GUCY1A1: variants seen among roughly 807,000 people sequenced by gnomAD.
The protein encoded by GUCY1A1 is guanylate cyclase 1 soluble subunit alpha 1.
GUCY1A1 carries 48 observed loss-of-function variants against 64.5 expected under a neutral mutation model. The ratio of observed to expected loss-of-function variants is 0.74; its 90% CI spans 0.59 to 0.95. The LOEUF (loss-of-function observed/expected upper bound fraction) is 0.95. GUCY1A1 is among the 40% of genes least tolerant of loss of function. GUCY1A1 has a pLI of 0.00. For synonymous variants in GUCY1A1, 308 were observed against 303.4 expected (o/e 1.02, Z -0.16); for missense variants, 804 against 825.3 (o/e 0.97, Z 0.32).
At chr4:155,675,618 C>G (rs10003097) in intron 2 of GUCY1A1, among the ~76,000 whole-genome samples, 6,368 of 151,458 alleles carry the variant, frequency 0.042, 739 homozygotes, top group African/African-American at 0.15. Flanking sequence ...TTTAATACAC[C>G]GCAGCATCTA....
chr4:155,713,046 A>G, intron 6 of GUCY1A1, 52 bp from the exon 7 acceptor site: 13 of 1,505,866 alleles, frequency 8.6e-6, no homozygotes, highest in Non-Finnish European at 1.2e-5. Flanking sequence ...TTTGTCTCAG[A>G]AAGATGTGGG....
chr4:155,680,848 G>A (rs1047440652), intron 2 of GUCY1A1, among the ~76,000 whole-genome samples: 3 of 151,726 alleles, frequency 2.0e-5, no homozygotes, highest in Non-Finnish European at 4.4e-5. Flanking sequence ...ATCTGGGATG[G>A]CAGAGGCAGA....
Position 155,710,830 on chromosome 4 carries a change from C to T in GUCY1A1, c.665C>T (p.Ala222Val). Residue 222 changes from alanine (A) to valine (V), a missense_variant, in exon 6 of 10, where the codon GCT (alanine) becomes GTT (valine). Transcript: ENST00000506455. ...ATTCTTCCCGGCATCATAAAGGCAG[C>T]TGCTCACGTATTATATGAAACGGAA... The part of the protein sequence containing the change: ...SLILPGIIKA[A>V]AHVLYETEVE... The T allele has an allele frequency of 1.2e-6, 2 of 1,614,094 alleles. No homozygotes were observed. The highest frequency in any genetic ancestry group is 1.7e-6 in the Non-Finnish European group (2 of 1,179,982).
intron 2 of GUCY1A1, among the ~76,000 whole-genome samples, chr4:155,690,547 C>T (rs1729600195): frequency 6.6e-6 from 1 of 152,152 alleles, no homozygotes; most frequent in African/African-American, 2.4e-5. Context: ...AAAATCCTGA[C>T]CTCTGTCTAT....
intron 4 of GUCY1A1, among the ~76,000 whole-genome samples, chr4:155,704,724 A>AT (rs955049830): frequency 1.0e-4 from 15 of 148,120 alleles, no homozygotes; most frequent in South Asian, 4.3e-4. Flanking sequence ...TTTATTTTTT[A>AT]TTTTTTTTTT....
intron 2 of GUCY1A1, among the ~76,000 whole-genome samples, chr4:155,690,938 C>G (rs2126692026): frequency 6.6e-6 from 1 of 152,212 alleles, no homozygotes; most frequent in African/African-American, 2.4e-5. Flanking sequence ...GAAAAATGAA[C>G]AAGTGCATGA....
intron 2 of GUCY1A1, among the ~76,000 whole-genome samples, chr4:155,674,171 C>G (rs758961127): frequency 3.3e-5 from 5 of 151,002 alleles, no homozygotes; most frequent in Non-Finnish European, 7.4e-5. Flanking sequence ...CTGGCCAAGA[C>G]AGTGAAACTC....
intron 8 of GUCY1A1, among the ~76,000 whole-genome samples, chr4:155,718,336 T>C (rs1313906016): frequency 6.6e-6 from 1 of 152,224 alleles, no homozygotes; most frequent in Non-Finnish European, 1.5e-5. Flanking sequence ...AGAAGCCATA[T>C]GTTTAAGCCT....
At chr4:155,705,085 T>C (rs1300651056) in intron 4 of GUCY1A1, among the ~76,000 whole-genome samples, 2 of 151,756 alleles carry the variant, frequency 1.3e-5, no homozygotes, top group Non-Finnish European at 2.9e-5. Flanking sequence ...AGAGATGGGG[T>C]TTCACCGTGT....
chr4:155,689,002 T>A (rs1175116834), intron 2 of GUCY1A1, among the ~76,000 whole-genome samples: 2 of 150,506 alleles, frequency 1.3e-5, no homozygotes, highest in Admixed American at 1.3e-4. Flanking sequence ...CAACAGTACT[T>A]CTACGACAGA....
chr4:155,717,178 C>A lies in GUCY1A1; in HGVS notation c.1592C>A (p.Ala531Asp). The A allele has an allele frequency of 2.6e-6, 4 of 1,515,476 alleles. No individual in the cohort carries two copies. Among genetic ancestry groups the A allele is most frequent in the South Asian group, 2.6e-5 (2 of 76,218 alleles). 93.9% of individuals were successfully genotyped at this position (1,515,476 alleles called of 1,614,324 possible). A position where few individuals can be genotyped will look rare whatever the true frequency, so the allele number is the denominator to read the frequency against. ...DVYKVETIGD[A>D]YCVAGGLHKE... is the part of the protein sequence containing the mutation. Reference sequence around the variant, plus strand: ...GTCTAGGTGGAGACCATTGGCGATGCCTATTGTGTAGCTGGGGGATTACAC... The same window carrying A: ...GTCTAGGTGGAGACCATTGGCGATGACTATTGTGTAGCTGGGGGATTACAC... The change falls in exon 8 of 10, where the codon GCC becomes GAC. Residue 531 changes from alanine to aspartate, a missense_variant. Ala to Asp is a moderately radical substitution (Grantham distance 126, BLOSUM62 -2). Transcript: ENST00000506455.
Position 155,681,734 on chromosome 4 carries a change from T to G in GUCY1A1, c.-113+14315T>G, listed in dbSNP as rs886487440. The stretch of plus-strand genomic sequence containing the variant: ...ATGAGGATTCCCTGGAGTTCTAAAT[T>G]TGGTTATCTTCTCTCTATATATGTA... On this transcript the variant is annotated intron_variant, in intron 2 of 9. Coordinates refer to ENST00000506455, the MANE Select transcript of GUCY1A1 (RefSeq NM_001130682.3). 3.3e-5 allele frequency among the ~76,000 whole-genome samples: 5 copies of G among 152,184 alleles called. No homozygotes were observed. The East Asian group carries it at 5.8e-4, about 18-fold the overall frequency.
intron 9 of GUCY1A1, among the ~76,000 whole-genome samples, chr4:155,726,338 C>T (rs1734664186): frequency 1.3e-5 from 2 of 151,958 alleles, no homozygotes; most frequent in East Asian, 3.9e-4. Flanking sequence ...CTTCCATATG[C>T]TGGGAAAACT....
At chr4:155,712,443 T>C (rs1732699692) in intron 6 of GUCY1A1, among the ~76,000 whole-genome samples, 1 of 152,220 alleles carries the variant, frequency 6.6e-6, no homozygotes, top group Non-Finnish European at 1.5e-5. Flanking sequence ...TGGGTTGCTT[T>C]TGGCTTTTTG....
intron 9 of GUCY1A1, among the ~76,000 whole-genome samples, chr4:155,723,793 G>A (rs1734293306): frequency 6.6e-6 from 1 of 152,022 alleles, no homozygotes; most frequent in African/African-American, 2.4e-5. Flanking sequence ...CTCCCAAGTA[G>A]GTGGGATTAC....
chr4:155,696,761 C>A lies in GUCY1A1; in HGVS notation c.-107C>A. ...TGACTTTTTGCTGTCCATAGACATC[C>A]CAGTTACCAGTGTCCTTGAATTGAT... On this transcript the variant is annotated 5_prime_UTR_variant, in exon 3 of 10. Coordinates refer to ENST00000506455, the MANE Select transcript of GUCY1A1 (RefSeq NM_001130682.3). 1.0e-6 allele frequency: 1 copy of A among 1,002,508 alleles called. No individual in the cohort carries two copies. Among genetic ancestry groups the A allele is most frequent in the Non-Finnish European group, 1.5e-6 (1 of 664,290 alleles). 62.1% of individuals were successfully genotyped at this position (1,002,508 alleles called of 1,614,324 possible).
chr4:155,712,458 A>G, intron 6 of GUCY1A1, among the ~76,000 whole-genome samples: 1 of 152,208 alleles, frequency 6.6e-6, no homozygotes. Context: ...TTTTTGCTGC[A>G]AGAACACACA....
chr4:155,710,658 A>G lies in GUCY1A1; in HGVS notation c.493A>G (p.Ser165Gly), dbSNP rs201578125. The change falls in exon 6 of 10, where the codon AGC becomes GGC. Residue 165 changes from serine (S) to glycine (G), a missense_variant. By Grantham distance (56) the Ser-to-Gly change is moderately conservative. Coordinates refer to ENST00000506455, the MANE Select transcript of GUCY1A1 (RefSeq NM_001130682.3). ...AGGCACCCTTAAAGATTTTTTAAAC[A>G]GCTTCAGTACCCTTCTGAAACAGAG... ...VGGTLKDFLN[S>G]FSTLLKQSSH... 1.2e-6 allele frequency: 2 copies of G among 1,613,822 alleles called. No individual in the cohort carries two copies. The highest frequency in any genetic ancestry group is 1.7e-5 in the Admixed American group (1 of 60,012).
Position 155,732,685 on chromosome 4 carries a change from A to G in GUCY1A1, c.*2454A>G, listed in dbSNP as rs967833118. Among the ~76,000 whole-genome samples the G allele has an allele frequency of 6.6e-6, 1 of 151,996 alleles. No individual in the cohort carries two copies. Among genetic ancestry groups the G allele is most frequent in the African/African-American group, 2.4e-5 (1 of 41,534 alleles). On this transcript the variant is annotated 3_prime_UTR_variant, in exon 10 of 10. Coordinates refer to ENST00000506455, the MANE Select transcript of GUCY1A1 (RefSeq NM_001130682.3). ...ATTGAAGATGGAAAAATAGTGGACA[A>G]ACAGCCTGTAATCAGGTTGGGGATT...
Sources: allele counts gnomAD v4.1 joint callset (sites outside exome capture counted in the v4.1 genomes callset), GRCh38; gene constraint gnomAD v4.1.1; transcripts MANE v1.5; gene names NCBI Gene and HGNC (gene_info 2026-07-23, HGNC 2026-07-21).